Variants in NDUFA8 observed in about 807,000 individuals in gnomAD.
NDUFA8 encodes the protein NADH:ubiquinone oxidoreductase subunit A8.
A neutral mutation model predicts 20.9 loss-of-function variants in NDUFA8; 16 were observed. The ratio of observed to expected loss-of-function variants is 0.77; its 90% CI spans 0.52 to 1.16. The LOEUF (loss-of-function observed/expected upper bound fraction) is 1.16, where lower values mean the gene tolerates loss of function less well. NDUFA8 is among the 50% of genes most tolerant of loss of function. NDUFA8 has a pLI of 0.00. For synonymous variants in NDUFA8, 70 were observed against 76.1 expected, an observed-to-expected ratio of 0.92 and a Z score of 0.41; for missense variants, 202 against 216.4, an observed-to-expected ratio of 0.93 and a Z score of 0.42.
chr9:122,150,148 C>G (rs1828969987), intron 2 of NDUFA8, among the ~76,000 whole-genome samples: 1 of 151,370 alleles, frequency 6.6e-6, no homozygotes, highest in Non-Finnish European at 1.5e-5. Context: ...ATTTGCTGGG[C>G]ACGGTGGCTC....
At position 122,159,704 on chromosome 9, in the gene NDUFA8, G is replaced by A; in HGVS notation, c.-27C>T. On this transcript the variant is annotated 5_prime_UTR_variant, in exon 1 of 4. Transcript: ENST00000373768. ...ACGGCTGCAGCCCCGACCCCGACGAGAAGCCCTCAGCCGCGTCGCCCCCGT... is the reference window on the plus strand; with the variant it reads ...ACGGCTGCAGCCCCGACCCCGACGAAAAGCCCTCAGCCGCGTCGCCCCCGT... 6.2e-7 allele frequency: 1 copy of A among 1,614,036 alleles called. No homozygotes were observed. The highest frequency in any genetic ancestry group is 8.5e-7 in the Non-Finnish European group (1 of 1,179,972).
At chr9:122,134,707 C>T in the NDUFA8 span, among the ~76,000 whole-genome samples, 1 of 152,168 alleles carries the variant, frequency 6.6e-6, no homozygotes, top group East Asian at 1.9e-4. Context: ...AGGCTCAATC[C>T]TAATTTCACT....
the NDUFA8 span, among the ~76,000 whole-genome samples, chr9:122,135,562 C>CG: frequency 1.2e-3 from 189 of 152,256 alleles, 3 homozygotes; most frequent in East Asian, 0.034. Flanking sequence ...GCAAAGAGCC[C>CG]GGGTTCTGCA....
downstream of NDUFA8, among the ~76,000 whole-genome samples, chr9:122,143,121 G>A (rs554897479): frequency 7.8e-4 from 118 of 152,206 alleles, 1 homozygote; most frequent in South Asian, 0.018. Context: ...TCAGGCAACA[G>A]ACCCTGCACC....
At chr9:122,158,100 C>T (rs1829104344) in intron 1 of NDUFA8, among the ~76,000 whole-genome samples, 1 of 152,188 alleles carries the variant, frequency 6.6e-6, no homozygotes, top group South Asian at 2.1e-4. Flanking sequence ...TTGCAGTGGG[C>T]CAATATCGCG....
At chr9:122,156,352 T>C (rs1056878226) in intron 1 of NDUFA8, among the ~76,000 whole-genome samples, 20 of 152,220 alleles carry the variant, frequency 1.3e-4, no homozygotes, top group African/African-American at 4.6e-4. Context: ...GTCCTGTCCT[T>C]GTCTCCTTAA....
chr9:122,147,105 G>A (rs35704781), intron 3 of NDUFA8, among the ~76,000 whole-genome samples: 64,981 of 152,068 alleles, frequency 0.43, 16,731 homozygotes, highest in Non-Finnish European at 0.58. Flanking sequence ...TTCTTGTGGA[G>A]GTGTAATTTA....
At chr9:122,132,677 A>G in the NDUFA8 span, among the ~76,000 whole-genome samples, 3 of 152,114 alleles carry the variant, frequency 2.0e-5, no homozygotes, top group Non-Finnish European at 4.4e-5. Context: ...ATTAGAGGAT[A>G]AGCCAGATGA....
intron 1 of NDUFA8, among the ~76,000 whole-genome samples, chr9:122,159,177 T>C (rs1449960430): frequency 5.9e-5 from 9 of 152,104 alleles, no homozygotes. Flanking sequence ...ATTGTCTCAT[T>C]TTCCCGCGGC....
chr9:122,148,335 G>C lies in NDUFA8; in HGVS notation c.216-58C>G. ...TTGCAAAACAATGAAAAACAGAAAA[G>C]TGAGAAAAAAATAGGTACAGATCTC... is the stretch of plus-strand genomic sequence containing the variant. On this transcript the variant is annotated intron_variant, in intron 2 of 3. Coordinates refer to ENST00000373768, the MANE Select transcript of NDUFA8 (RefSeq NM_014222.3). The C allele has an allele frequency of 4.4e-6, 7 of 1,592,318 alleles. No individual in the cohort carries two copies. The South Asian group carries it at 7.8e-5, about 18-fold the overall frequency.
chr9:122,156,007 C>T (rs756058022), intron 1 of NDUFA8, among the ~76,000 whole-genome samples: 1 of 152,242 alleles, frequency 6.6e-6, no homozygotes, highest in Non-Finnish European at 1.5e-5. Context: ...GAGTCAGTGG[C>T]AACCCCAGAA....
downstream of NDUFA8, among the ~76,000 whole-genome samples, chr9:122,139,356 CT>C (rs908901336): frequency 6.7e-6 from 1 of 148,770 alleles, no homozygotes; most frequent in African/African-American, 2.5e-5. Flanking sequence ...CCCTCACCCC[CT>C]AGCTAGTCAC....
At chr9:122,150,951 A>AGC (rs1828985934) in intron 2 of NDUFA8, among the ~76,000 whole-genome samples, 1 of 148,674 alleles carries the variant, frequency 6.7e-6, no homozygotes, top group Non-Finnish European at 1.5e-5. Flanking sequence ...CAGCCTGGGC[A>AGC]ACAGAGTGAG....
chr9:122,141,837 G>A (rs559734636), downstream of NDUFA8, among the ~76,000 whole-genome samples: 6 of 152,206 alleles, frequency 3.9e-5, no homozygotes, highest in South Asian at 8.3e-4. Context: ...CTATGATGTC[G>A]TGTAATCCCA....
chr9:122,147,978 C>T, intron 3 of NDUFA8, 134 bp downstream of exon 3: 1 of 1,112,730 alleles, frequency 9.0e-7, no homozygotes, highest in Non-Finnish European at 1.4e-6. Flanking sequence ...TAATCACTGC[C>T]TAATTAATAT....
chr9:122,151,930 A>G (rs2118710227), intron 2 of NDUFA8, among the ~76,000 whole-genome samples: 1 of 152,352 alleles, frequency 6.6e-6, no homozygotes, highest in East Asian at 1.9e-4. Context: ...AGGTTGTTTT[A>G]CGTGCCTTTT....
rs369579432 is a variant in NDUFA8, at chr9:122,155,105, G to A, written c.52-2697C>T. 3.3e-5 allele frequency among the ~76,000 whole-genome samples: 5 copies of A among 152,182 alleles called. No individual in the cohort carries two copies. In the East Asian group the frequency reaches 5.8e-4, roughly 18 times the overall value. The stretch of plus-strand genomic sequence containing the variant: ...TTATTATTATTATTTTTTTGAGACC[G>A]AGTTTCGCTCTTGTCCAGGCTGGAG... On this transcript the variant is annotated intron_variant, in intron 1 of 3. Transcript: ENST00000373768.
intron 1 of NDUFA8, among the ~76,000 whole-genome samples, chr9:122,158,801 A>G (rs540323880): frequency 1.1e-3 from 154 of 139,802 alleles, no homozygotes; most frequent in African/African-American, 4.9e-3. Flanking sequence ...ATATATGTGT[A>G]TGTGTGTGTA....
At chr9:122,140,187 C>A (rs937279853), downstream of NDUFA8, among the ~76,000 whole-genome samples, 1 of 152,218 alleles carries the variant, frequency 6.6e-6, no homozygotes, top group Non-Finnish European at 1.5e-5. Context: ...TACTTAGCTA[C>A]TCCCTAGTCT....
Sources: allele counts gnomAD v4.1 joint callset (sites outside exome capture counted in the v4.1 genomes callset), GRCh38; gene constraint gnomAD v4.1.1; transcripts MANE v1.5; gene names NCBI Gene and HGNC (gene_info 2026-07-23, HGNC 2026-07-21).